RBM45: variants seen among roughly 807,000 people sequenced by gnomAD.
RBM45 encodes RNA binding motif protein 45.
A neutral mutation model predicts 58.5 loss-of-function variants in RBM45; 39 were observed. The ratio of observed to expected loss-of-function variants is 0.67; its 90% CI spans 0.52 to 0.87. RBM45 has a LOEUF of 0.87. Among genes scored for constraint, RBM45 ranks in the 40% least tolerant of loss-of-function variants. The pLI, the probability that RBM45 is intolerant of heterozygous loss-of-function variation, is 0.00. For synonymous variants in RBM45, 193 were observed against 203.0 expected, an observed-to-expected ratio of 0.95 and a Z score of 0.42; for missense variants, 481 against 581.6, an observed-to-expected ratio of 0.83 and a Z score of 1.78.
At chr2:178,134,699 A>G (rs1559083920) in intron 3 of RBM45, among the ~76,000 whole-genome samples, 1 of 152,152 alleles carries the variant, frequency 6.6e-6, no homozygotes, top group African/African-American at 2.4e-5. Context: ...TTTGTCAACA[A>G]AGCCTATCTG....
intron 3 of RBM45, 122 bp downstream of exon 3, chr2:178,118,303 A>G (rs763899724): frequency 3.6e-5 from 33 of 928,842 alleles, no homozygotes; most frequent in Non-Finnish European, 1.1e-5. Context: ...AGCAGTGGGT[A>G]TTTAAATATT....
chr2:178,128,433 G>A (rs918794303), intron 9 of RBM45, among the ~76,000 whole-genome samples: 4 of 152,256 alleles, frequency 2.6e-5, no homozygotes, highest in African/African-American at 9.6e-5. Flanking sequence ...TGAAACCTTT[G>A]AGATGTCCTC....
intron 1 of RBM45, 52 bp downstream of exon 1, chr2:178,112,898 A>C (rs1053719014): frequency 6.5e-7 from 1 of 1,531,564 alleles, no homozygotes; most frequent in Non-Finnish European, 8.9e-7. Flanking sequence ...GGCCTCTTGG[A>C]CCTCCCTTCA....
chr2:178,128,302 C>G (rs2087961543), intron 9 of RBM45, among the ~76,000 whole-genome samples: 1 of 152,098 alleles, frequency 6.6e-6, no homozygotes, highest in Non-Finnish European at 1.5e-5. Flanking sequence ...GACTGACCCT[C>G]TTTGCCTTTT....
At chr2:178,115,600 T>C (rs1487213629) in intron 1 of RBM45, among the ~76,000 whole-genome samples, 1 of 152,166 alleles carries the variant, frequency 6.6e-6, no homozygotes, top group Admixed American at 6.5e-5. Flanking sequence ...TGGTTGCTGC[T>C]TCCTACTGTG....
chr2:178,137,436 T>G (rs2088053846), exon 4 of RBM45: 1 of 152,192 alleles, frequency 6.6e-6, no homozygotes, highest in South Asian at 2.1e-4. Flanking sequence ...AAAACATTCT[T>G]GGTATTATTC....
intron 3 of RBM45, among the ~76,000 whole-genome samples, chr2:178,135,701 G>C (rs965680327): frequency 6.6e-5 from 10 of 152,118 alleles, no homozygotes; most frequent in African/African-American, 2.4e-4. Context: ...TTAGCCTTTA[G>C]TTCCCCAAAA....
At chr2:178,123,491 C>T (rs771695211) in intron 5 of RBM45, 31 bp from the exon 6 acceptor site, 52 of 1,532,208 alleles carry the variant, frequency 3.4e-5, no homozygotes, top group Middle Eastern at 2.3e-4. Context: ...GTCTGCTTTC[C>T]TTTTTCATTT....
intron 8 of RBM45, among the ~76,000 whole-genome samples, chr2:178,125,339 C>T (rs150775836): frequency 2.0e-5 from 3 of 152,230 alleles, no homozygotes; most frequent in African/African-American, 7.2e-5. Flanking sequence ...AAAATTACAA[C>T]CCAGGGTGAT....
intron 3 of RBM45, among the ~76,000 whole-genome samples, chr2:178,135,408 C>T (rs1295405746): frequency 3.3e-5 from 5 of 152,186 alleles, no homozygotes; most frequent in African/African-American, 4.8e-5. Flanking sequence ...TTTATTTCAC[C>T]AGAAATTCCT....
intron 2 of RBM45, 95 bp downstream of exon 2, chr2:178,116,479 T>C (rs2087779105): frequency 9.6e-7 from 1 of 1,041,780 alleles, no homozygotes; most frequent in Non-Finnish European, 1.3e-6. Flanking sequence ...ATAAGGTCAA[T>C]AGAGTAGTCT....
At chr2:178,123,497 C>T (rs1166962563) in intron 5 of RBM45, 25 bp from the exon 6 acceptor site, 1 of 1,535,542 alleles carries the variant, frequency 6.5e-7, no homozygotes, top group Non-Finnish European at 8.7e-7. Flanking sequence ...TTTCCTTTTT[C>T]ATTTCTGTAT....
At chr2:178,113,057 G>A (rs1385065618) in intron 1 of RBM45, among the ~76,000 whole-genome samples, 1 of 152,164 alleles carries the variant, frequency 6.6e-6, no homozygotes, top group Non-Finnish European at 1.5e-5. Flanking sequence ...GACGGGATGC[G>A]GAGTGTTTGC....
rs570468892 is a variant in RBM45 at position 178,123,885 on chromosome 2, G to C, written c.1041G>C (p.Trp347Cys). The C allele has an allele frequency of 2.4e-5, 38 of 1,613,892 alleles. No individual in the cohort carries two copies. The South Asian group carries it at 4.1e-4, about 17-fold the overall frequency. The stretch of plus-strand genomic sequence containing the variant: ...CTGCACAGCTTGCATCAATGGTGTG[G>C]AATAACCCAAGTCAGCAACAATTTA... ...MVAAQLASMVWNNPSQQQFMQ... is the reference protein window; with the variant it reads ...MVAAQLASMVCNNPSQQQFMQ... The change falls in exon 7 of 10, where the codon TGG becomes TGC. Residue 347 changes from tryptophan (W) to cysteine (C), a missense_variant. Coordinates refer to ENST00000286070, the MANE Select transcript of RBM45 (RefSeq NM_152945.4).
At chr2:178,122,463 T>G (rs979103883) in intron 5 of RBM45, among the ~76,000 whole-genome samples, 1 of 152,190 alleles carries the variant, frequency 6.6e-6, no homozygotes, top group East Asian at 1.9e-4. Flanking sequence ...CTAGTCTTTT[T>G]GTAGAACTGT....
intron 9 of RBM45, among the ~76,000 whole-genome samples, chr2:178,126,426 C>T (rs566227363): frequency 2.0e-5 from 3 of 151,892 alleles, no homozygotes; most frequent in African/African-American, 4.8e-5. Context: ...GTGAAATCTT[C>T]GATTTTAAGA....
chr2:178,122,620 G>A (rs751055217), intron 5 of RBM45, among the ~76,000 whole-genome samples: 2 of 151,918 alleles, frequency 1.3e-5, no homozygotes, highest in South Asian at 4.2e-4. Flanking sequence ...CTTTTATCTG[G>A]TATGTCAAAA....
At chr2:178,123,442 A>T in intron 5 of RBM45, 80 bp from the exon 6 acceptor site, 1 of 1,423,490 alleles carries the variant, frequency 7.0e-7, no homozygotes, top group East Asian at 2.4e-5. Context: ...ACATGGTTTC[A>T]TTTTTGTGAT....
intron 3 of RBM45, among the ~76,000 whole-genome samples, chr2:178,120,049 C>G (rs1327706749): frequency 3.3e-5 from 5 of 152,126 alleles, no homozygotes; most frequent in African/African-American, 1.2e-4. Flanking sequence ...GAAAGGATAG[C>G]ATAGAATTGC....
Sources: gnomAD v4.1 joint callset for allele counts (sites outside exome capture counted in the v4.1 genomes callset) on GRCh38, gnomAD v4.1.1 for gene constraint, MANE v1.5 for transcripts, NCBI Gene and HGNC (gene_info 2026-07-23, HGNC 2026-07-21) for gene names.